The following MAPKAPK2 variants were observed in gnomAD, a reference collection of about 807,000 sequenced individuals.
The protein encoded by MAPKAPK2 is MAP kinase-activated protein kinase 2.
A neutral mutation model predicts 48.8 loss-of-function variants in MAPKAPK2; 9 were observed. The ratio of observed to expected loss-of-function variants is 0.18; its 90% CI spans 0.11 to 0.32. The LOEUF (loss-of-function observed/expected upper bound fraction) is 0.32. Among genes scored for constraint, MAPKAPK2 ranks in the 10% least tolerant of loss-of-function variants. The pLI is 1.00. For synonymous variants in MAPKAPK2, 202 were observed against 190.6 expected (o/e 1.06, Z -0.49); for missense variants, 331 against 498.3 (o/e 0.66, Z 3.20).
At position 206,731,008 on chromosome 1, in the gene MAPKAPK2, C is replaced by G. The variant is rs1426241234; in HGVS notation, c.768-130C>G. ...CCGGGCTTGACTTTGTATATTGTGC[C>G]TGTGTCAATAAGCCCTGATTTCTCT... On this transcript the variant is annotated intron_variant, in intron 6 of 9. Coordinates refer to ENST00000367103, the MANE Select transcript of MAPKAPK2 (RefSeq NM_032960.4). This position sits in a 1 kb window ranked among gnomAD's most constrained non-coding sequence, Gnocchi z 5.9. The G allele has an allele frequency of 2.3e-6, 3 of 1,304,552 alleles. No homozygotes were observed. Among genetic ancestry groups the G allele is most frequent in the Non-Finnish European group, 2.2e-6 (2 of 913,718 alleles). 80.8% of individuals were successfully genotyped at this position (1,304,552 alleles called of 1,614,324 possible).
At chr1:206,706,257 C>T (rs781992780) in intron 1 of MAPKAPK2, among the ~76,000 whole-genome samples, 5 of 152,076 alleles carry the variant, frequency 3.3e-5, no homozygotes, top group Admixed American at 6.5e-5. Context: ...TCCTTCATCT[C>T]CCATTCCTTC....
chr1:206,720,132 G>A (rs1281288155), intron 1 of MAPKAPK2, among the ~76,000 whole-genome samples: 2 of 152,188 alleles, frequency 1.3e-5, no homozygotes, highest in East Asian at 1.9e-4. Flanking sequence ...CAGAGTTTCC[G>A]GAAGCCCCAG....
In MAPKAPK2 at chr1:206,732,356, A is replaced by T; in HGVS notation, c.1060-219A>T. The stretch of plus-strand genomic sequence containing the variant: ...GATCACTGGGGGGCTCTCAGGGAAC[A>T]GCAGCAGTGCCATAGCCAGGCTCTC... On this transcript the variant is annotated intron_variant, in intron 9 of 9. Coordinates refer to ENST00000367103, the MANE Select transcript of MAPKAPK2 (RefSeq NM_032960.4). This position sits in a 1 kb window ranked among gnomAD's most constrained non-coding sequence, Gnocchi z 4.4. The T allele has an allele frequency of 3.5e-6, 5 of 1,445,384 alleles. No individual in the cohort carries two copies. Among genetic ancestry groups the T allele is most frequent in the Non-Finnish European group, 4.5e-6 (5 of 1,102,178 alleles). The allele number at this position is 1,445,384 out of a possible 1,614,324, so 89.5% of individuals were successfully genotyped here.
At chr1:206,726,510 C>T (rs57613862) in intron 1 of MAPKAPK2, among the ~76,000 whole-genome samples, 6,076 of 152,320 alleles carry the variant, frequency 0.04, 393 homozygotes, top group African/African-American at 0.14. Flanking sequence ...CTATTGGCTC[C>T]GGCCACCTGT....
chr1:206,729,090 A>G lies in MAPKAPK2; in HGVS notation c.475A>G (p.Thr159Ala). Residue 159 changes from threonine (T) to alanine (A), a missense_variant, in exon 3 of 10, where the codon ACA becomes GCA. Around this residue, in one of 4 missense-constraint regions of MAPKAPK2, gnomAD observed 111 missense variants for 193.6 expected, o/e 0.57. Transcript: ENST00000367103. ...CCAGGATCGAGGAGACCAGGCATTC[A>G]CAGAAAGAGGTAGAAAGGGTCTGTT... is the stretch of plus-strand genomic sequence containing the variant. ...RIQDRGDQAF[T>A]EREASEIMKS... 6.2e-7 allele frequency: 1 copy of G among 1,614,176 alleles called. No individual in the cohort carries two copies. The highest frequency in any genetic ancestry group is 2.2e-5 in the East Asian group (1 of 44,884).
intron 1 of MAPKAPK2, among the ~76,000 whole-genome samples, chr1:206,705,540 T>G (rs1672927525): frequency 6.6e-6 from 1 of 152,176 alleles, no homozygotes; most frequent in Admixed American, 6.5e-5. Context: ...TTTAGCTCCC[T>G]TATCTCTCTG....
At chr1:206,729,739 T>G (rs1283307032) in intron 4 of MAPKAPK2, among the ~76,000 whole-genome samples, 2 of 145,022 alleles carry the variant, frequency 1.4e-5, no homozygotes, top group Admixed American at 1.4e-4. Flanking sequence ...TCTGTTCCTG[T>G]GGTGTTTACT....
At chr1:206,722,306 G>A (rs1453609229) in intron 1 of MAPKAPK2, among the ~76,000 whole-genome samples, 4 of 152,158 alleles carry the variant, frequency 2.6e-5, no homozygotes, top group African/African-American at 9.7e-5. Flanking sequence ...CTTGCAGTGA[G>A]CGGAGATCGT....
At chr1:206,687,795 G>A (rs1672331145) in intron 1 of MAPKAPK2, among the ~76,000 whole-genome samples, 1 of 152,230 alleles carries the variant, frequency 6.6e-6, no homozygotes, top group Non-Finnish European at 1.5e-5. Flanking sequence ...TGGGGCAAGA[G>A]GGATTACCCC....
At chr1:206,695,596 C>T (rs531954254) in intron 1 of MAPKAPK2, among the ~76,000 whole-genome samples, 52 of 151,938 alleles carry the variant, frequency 3.4e-4, no homozygotes, top group Admixed American at 7.9e-4. Flanking sequence ...CATGCCTGTC[C>T]CCCGTCCTGT....
chr1:206,727,196 G>A (rs1553431916), intron 1 of MAPKAPK2, among the ~76,000 whole-genome samples: 1 of 152,178 alleles, frequency 6.6e-6, no homozygotes, highest in Non-Finnish European at 1.5e-5. Context: ...CTTGCACTTA[G>A]ACAATTGGTG....
intron 3 of MAPKAPK2, 119 bp from the exon 4 acceptor site, chr1:206,729,277 G>A: frequency 9.3e-6 from 10 of 1,079,530 alleles, no homozygotes; most frequent in Non-Finnish European, 1.4e-5. Flanking sequence ...TCTGGGGTGG[G>A]TGGTGGCTGT....
intron 1 of MAPKAPK2, among the ~76,000 whole-genome samples, chr1:206,705,293 C>T (rs1553428408): frequency 6.6e-6 from 1 of 152,202 alleles, no homozygotes; most frequent in African/African-American, 2.4e-5. Context: ...GAAATCAGCT[C>T]TGTCTGCCTC....
intron 1 of MAPKAPK2, among the ~76,000 whole-genome samples, chr1:206,724,035 G>A (rs1182849166): frequency 6.6e-6 from 1 of 152,228 alleles, no homozygotes; most frequent in Non-Finnish European, 1.5e-5. Flanking sequence ...CTTAGTTTGG[G>A]CTTAAAATAT....
intron 1 of MAPKAPK2, among the ~76,000 whole-genome samples, chr1:206,690,175 A>G (rs782561674): frequency 1.3e-5 from 2 of 152,240 alleles, no homozygotes; most frequent in Admixed American, 6.5e-5. Context: ...GTGTCAAAAA[A>G]GGTTAGGAAT....
At chr1:206,727,453 G>C (rs78132462) in intron 1 of MAPKAPK2, among the ~76,000 whole-genome samples, 2 of 152,098 alleles carry the variant, frequency 1.3e-5, no homozygotes, top group African/African-American at 4.8e-5. Context: ...CCTGGTGATG[G>C]CAGCGAGGAT....
intron 1 of MAPKAPK2, among the ~76,000 whole-genome samples, chr1:206,703,859 G>A (rs959235622): frequency 5.3e-5 from 8 of 152,208 alleles, no homozygotes; most frequent in Non-Finnish European, 1.0e-4. Flanking sequence ...TGCAGGCCAG[G>A]AACAGTCAGT....
intron 1 of MAPKAPK2, among the ~76,000 whole-genome samples, chr1:206,696,485 T>C (rs1335377852): frequency 6.6e-6 from 1 of 152,166 alleles, no homozygotes; most frequent in Non-Finnish European, 1.5e-5. Context: ...GGAGGATCTT[T>C]TGAACTCAGG....
chr1:206,707,460 G>T (rs577573394), intron 1 of MAPKAPK2, among the ~76,000 whole-genome samples: 1 of 152,046 alleles, frequency 6.6e-6, no homozygotes, highest in Non-Finnish European at 1.5e-5. Context: ...GAGCAGCAAA[G>T]GTAGAGAAAA....
Sources: allele counts gnomAD v4.1 joint callset (sites outside exome capture counted in the v4.1 genomes callset), GRCh38; gene constraint gnomAD v4.1.1; regional missense constraint gnomAD v4.1.1; non-coding constraint Gnocchi (gnomAD v3.1); transcripts MANE v1.5; gene names NCBI Gene and HGNC (gene_info 2026-07-23, HGNC 2026-07-21).